PKHD1: variants seen among roughly 807,000 people sequenced by gnomAD.
PKHD1 encodes PKHD1 ciliary IPT domain containing fibrocystin/polyductin.
In PKHD1, 291 loss-of-function variants were observed where a neutral mutation model predicts 412.0. The observed-to-expected ratio is 0.71, with a 90% CI of 0.64 to 0.78. The LOEUF (loss-of-function observed/expected upper bound fraction) is 0.78, where lower values mean the gene tolerates loss of function less well. Among genes scored for constraint, PKHD1 ranks in the 30% least tolerant of loss-of-function variants. The pLI is 0.00. For missense variants in PKHD1, 4,825 were observed against 4,950.7 expected, an observed-to-expected ratio of 0.97 and a Z score of 0.76; for synonymous variants, 1,777 against 1,821.5, an observed-to-expected ratio of 0.98 and a Z score of 0.62.
intron 50 of PKHD1, among the ~76,000 whole-genome samples, chr6:51,841,735 T>C (rs1024998911): frequency 2.0e-5 from 3 of 152,134 alleles, no homozygotes; most frequent in African/African-American, 7.2e-5. Flanking sequence ...CCCCAAGAGG[T>C]CACAGGAGCC....
chr6:52,045,401 T>G (rs758672624), intron 24 of PKHD1, among the ~76,000 whole-genome samples: 7 of 152,160 alleles, frequency 4.6e-5, no homozygotes, highest in Non-Finnish European at 7.4e-5. Context: ...ATCCAAAATA[T>G]TAAAATAAAG....
chr6:51,955,197 AT>A (rs66873717), intron 36 of PKHD1, among the ~76,000 whole-genome samples: 34,928 of 150,702 alleles, frequency 0.23, 4,599 homozygotes, highest in Non-Finnish European at 0.31. Context: ...CCTAAAAAAT[AT>A]TTTTTTTTTA....
chr6:51,817,121 C>G (rs1402882584), intron 52 of PKHD1, among the ~76,000 whole-genome samples: 1 of 148,882 alleles, frequency 6.7e-6, no homozygotes, highest in Non-Finnish European at 1.5e-5. Flanking sequence ...TACCAGAACT[C>G]TGGGATCTTA....
intron 43 of PKHD1, among the ~76,000 whole-genome samples, chr6:51,893,592 G>A (rs1779431216): frequency 6.6e-6 from 1 of 152,190 alleles, no homozygotes; most frequent in Admixed American, 6.5e-5. Flanking sequence ...CAGGCAGCTG[G>A]CAGCTTGCGG....
chr6:51,709,236 G>A (rs1261606474), intron 60 of PKHD1, among the ~76,000 whole-genome samples: 1 of 152,076 alleles, frequency 6.6e-6, no homozygotes, highest in Non-Finnish European at 1.5e-5. Flanking sequence ...TGTTGTACCT[G>A]GTAGAGTCTC....
At chr6:51,670,526 T>C (rs1277065355) in intron 60 of PKHD1, among the ~76,000 whole-genome samples, 2 of 151,696 alleles carry the variant, frequency 1.3e-5, no homozygotes, top group Non-Finnish European at 3.0e-5. Context: ...GTCTTTTAAT[T>C]GGAGCATTTA....
chr6:51,934,029 A>C, intron 37 of PKHD1, 81 bp downstream of exon 37: 1 of 1,100,160 alleles, frequency 9.1e-7, no homozygotes, highest in Non-Finnish European at 1.4e-6. Context: ...AACTATAGTC[A>C]AGGACTTTTA....
At chr6:51,873,838 C>T (rs1241339478) in intron 46 of PKHD1, among the ~76,000 whole-genome samples, 1 of 151,822 alleles carries the variant, frequency 6.6e-6, no homozygotes, top group Non-Finnish European at 1.5e-5. Flanking sequence ...AAATATGCAA[C>T]ACAAGACAAA....
chr6:51,907,175 A>C (rs906654845), intron 40 of PKHD1, among the ~76,000 whole-genome samples: 1 of 152,172 alleles, frequency 6.6e-6, no homozygotes, highest in Non-Finnish European at 1.5e-5. Context: ...TTAAACTATA[A>C]ATCCTAAAAA....
At chr6:51,926,539 C>T (rs946248817) in intron 37 of PKHD1, among the ~76,000 whole-genome samples, 1 of 152,092 alleles carries the variant, frequency 6.6e-6, no homozygotes, top group Non-Finnish European at 1.5e-5. Flanking sequence ...TCCTGCTGTA[C>T]TTGGATTATT....
At chr6:52,017,687 C>T (rs1214067325) in intron 33 of PKHD1, 58 bp from the exon 34 acceptor site, 11 of 1,327,242 alleles carry the variant, frequency 8.3e-6, no homozygotes, top group Non-Finnish European at 1.2e-5. Flanking sequence ...GGCCTCTAGT[C>T]GGTTTCACAA....
chr6:51,883,724 T>TA (rs1277286190), intron 45 of PKHD1, among the ~76,000 whole-genome samples: 1 of 152,226 alleles, frequency 6.6e-6, no homozygotes, highest in Non-Finnish European at 1.5e-5. Flanking sequence ...GGTCATATAA[T>TA]AACAAAATTA....
chr6:51,815,582 T>C (rs1179529767), intron 52 of PKHD1, among the ~76,000 whole-genome samples: 1 of 152,106 alleles, frequency 6.6e-6, no homozygotes. Context: ...AATGAGTAGA[T>C]AAGTAGAACT....
At chr6:51,782,217 C>T (rs1414971916) in intron 53 of PKHD1, among the ~76,000 whole-genome samples, 2 of 151,788 alleles carry the variant, frequency 1.3e-5, no homozygotes, top group Non-Finnish European at 2.9e-5. Flanking sequence ...ACTGATGTCC[C>T]AATAGGACAG....
chr6:51,719,278 G>A (rs755241360), intron 60 of PKHD1, among the ~76,000 whole-genome samples: 7 of 151,892 alleles, frequency 4.6e-5, no homozygotes, highest in East Asian at 1.9e-4. Flanking sequence ...GCACAATCAC[G>A]GCTCACTGCA....
At chr6:51,803,703 T>C (rs1196021504) in intron 52 of PKHD1, among the ~76,000 whole-genome samples, 1 of 151,420 alleles carries the variant, frequency 6.6e-6, no homozygotes, top group Non-Finnish European at 1.5e-5. Context: ...CTACTTCACA[T>C]AGAGAAGAAA....
chr6:52,062,153 C>A (rs1171256999), intron 14 of PKHD1, among the ~76,000 whole-genome samples: 3 of 152,172 alleles, frequency 2.0e-5, no homozygotes, highest in Non-Finnish European at 4.4e-5. Context: ...AGGGCAAATT[C>A]TTGGATCTTT....
At position 51,754,873 on chromosome 6, in the gene PKHD1, T is replaced by A. The variant is rs1786701039; in HGVS notation, c.8708A>T (p.Tyr2903Phe). The change falls in exon 56 of 67, where the codon TAT (tyrosine) becomes TTT (phenylalanine). Residue 2903 changes from tyrosine (Y) to phenylalanine (F), a missense_variant. Coordinates refer to ENST00000371117, the MANE Select transcript of PKHD1 (RefSeq NM_138694.4). ...HDKIVLSSSS[Y>F]EPHEAEVLTV... ...GAGGACCTCTGCTTCATGAGGCTCA[T>A]AAGAAGAGGAGCTAAGGACTATTTT... The A allele has an allele frequency of 6.2e-7, 1 of 1,612,570 alleles. No individual in the cohort carries two copies. Among genetic ancestry groups the A allele is most frequent in the Non-Finnish European group, 8.5e-7 (1 of 1,178,688 alleles).
At chr6:51,676,118 A>G (rs1004547277) in intron 60 of PKHD1, among the ~76,000 whole-genome samples, 1 of 151,922 alleles carries the variant, frequency 6.6e-6, no homozygotes, top group African/African-American at 2.4e-5. Context: ...CCAGGGTTCT[A>G]ACATATATTA....
Sources: gnomAD v4.1 joint callset for allele counts (sites outside exome capture counted in the v4.1 genomes callset) on GRCh38, gnomAD v4.1.1 for gene constraint, MANE v1.5 for transcripts, NCBI Gene and HGNC (gene_info 2026-07-23, HGNC 2026-07-21) for gene names.